Variants in C11orf21 observed in about 807,000 individuals in gnomAD.
The protein encoded by C11orf21 is chromosome 11 open reading frame 21, also known as uncharacterized protein C11orf21.
A neutral mutation model predicts 15.2 loss-of-function variants in C11orf21; 19 were observed. The ratio of observed to expected loss-of-function variants is 1.25; its 90% CI spans 0.87 to 1.84. The LOEUF is 1.84. Ranked by LOEUF, C11orf21 falls within the 40% of genes most tolerant of loss-of-function variation. C11orf21 has a pLI of 0.00. For synonymous variants in C11orf21, 62 were observed against 66.8 expected (o/e 0.93, Z 0.35); for missense variants, 171 against 174.4 (o/e 0.98, Z 0.11).
upstream of C11orf21, chr11:2,302,782 G>A (rs747420712): frequency 7.0e-7 from 1 of 1,435,040 alleles, no homozygotes; most frequent in Non-Finnish European, 9.7e-7. Context: ...GCCCGCTGGG[G>A]CCGAGCTCCC....
upstream of C11orf21, chr11:2,302,775 C>G (rs754444517): frequency 1.5e-6 from 2 of 1,344,172 alleles, no homozygotes; most frequent in African/African-American, 2.9e-5. Context: ...CAACCCTGCC[C>G]GCTGGGGCCG....
chr11:2,296,067 C>G lies in C11orf21; in HGVS notation c.*1883G>C, dbSNP rs1158108786. ...TTCACTGTCCTTCTTTCTCCGGGACCCCCCTGTCTTCCACACAAGCCAATT... is the reference window on the plus strand; with the variant it reads ...TTCACTGTCCTTCTTTCTCCGGGACGCCCCTGTCTTCCACACAAGCCAATT... On this transcript the variant is annotated 3_prime_UTR_variant, in exon 4 of 4. Coordinates refer to ENST00000381153, the MANE Select transcript of C11orf21 (RefSeq NM_001329958.2). The surrounding 1 kb of genome is among the most constrained non-coding windows in gnomAD (Gnocchi z 5.6). 1.3e-5 allele frequency: 2 copies of G among 152,110 alleles called. No individual in the cohort carries two copies. The highest frequency in any genetic ancestry group is 6.5e-5 in the Admixed American group (1 of 15,272). 9.4% of individuals were successfully genotyped at this position (152,110 alleles called of 1,614,324 possible). A position where few individuals can be genotyped will look rare whatever the true frequency, so the allele number is the denominator to read the frequency against.
Position 2,297,598 on chromosome 11 carries a change from C to G in C11orf21, c.*352G>C, listed in dbSNP as rs1222152294. 2.0e-5 allele frequency: 3 copies of G among 152,326 alleles called. No homozygotes were observed. The allele number at this position is 152,326 out of a possible 1,614,324, so 9.4% of individuals were successfully genotyped here. A position where few individuals can be genotyped will look rare whatever the true frequency, so the allele number is the denominator to read the frequency against. On this transcript the variant is annotated 3_prime_UTR_variant, in exon 4 of 4. Transcript: ENST00000381153. ...AGGGCATCTACCCTTTCCGCTGTAG[C>G]CCACTGTCTCTAAACATATTTCACA...
At chr11:2,298,172 T>C (rs934638882) in intron 3 of C11orf21, among the ~76,000 whole-genome samples, 6 of 152,192 alleles carry the variant, frequency 3.9e-5, no homozygotes, top group Non-Finnish European at 8.8e-5. Flanking sequence ...CTCACCATAT[T>C]CCTCATGCTG....
rs1027029064 is a variant in C11orf21 at position 2,300,776 on chromosome 11, C to T, written c.54-163G>A. On this transcript the variant is annotated intron_variant, in intron 1 of 3. Coordinates refer to ENST00000381153, the MANE Select transcript of C11orf21 (RefSeq NM_001329958.2). The stretch of plus-strand genomic sequence containing the variant: ...GGTTGGAGAGAGACAATTCTAGGGG[C>T]GAACCAGACATAGCCAAGAGCAGCT... 5.8e-6 allele frequency: 9 copies of T among 1,550,396 alleles called. No individual in the cohort carries two copies. The African/African-American group carries it at 9.6e-5, about 17-fold the overall frequency.
At chr11:2,302,572 G>A (rs1053274674), upstream of C11orf21, 39 of 550,074 alleles carry the variant, frequency 7.1e-5, no homozygotes, top group African/African-American at 5.6e-4. Context: ...CTCCCACTCC[G>A]TAGACACAAT....
chr11:2,300,946 ACAC>A, intron 1 of C11orf21: 1 of 628,134 alleles, frequency 1.6e-6, no homozygotes, highest in Non-Finnish European at 2.8e-6. Flanking sequence ...AGCTGAAGTG[ACAC>A]TGTGGGTGCC....
chr11:2,296,022 C>G lies in C11orf21; in HGVS notation c.*1928G>C, dbSNP rs1847514583. 6.6e-6 allele frequency: 1 copy of G among 152,162 alleles called. No homozygotes were observed. The highest frequency in any genetic ancestry group is 1.5e-5 in the Non-Finnish European group (1 of 68,040). 9.4% of individuals were successfully genotyped at this position (152,162 alleles called of 1,614,324 possible). On this transcript the variant is annotated 3_prime_UTR_variant, in exon 4 of 4. Coordinates refer to ENST00000381153, the MANE Select transcript of C11orf21 (RefSeq NM_001329958.2). This position sits in a 1 kb window ranked among gnomAD's most constrained non-coding sequence, Gnocchi z 5.6. Reference sequence around the variant, plus strand: ...CTGGAACAGCAGTTGCAATTGGAGTCCTGGTTAAGTTTACCAGGATTCACT... The same window carrying G: ...CTGGAACAGCAGTTGCAATTGGAGTGCTGGTTAAGTTTACCAGGATTCACT...
chr11:2,297,010 GAGCCCCCACCGCA>G lies in C11orf21; in HGVS notation c.*927_*939del, dbSNP rs1311707831. On this transcript the variant is annotated 3_prime_UTR_variant, in exon 4 of 4. Transcript: ENST00000381153. ...ACCCTCAGGCTGGGCAGCATTGGCT[GAGCCCCCACCGCA>G]CCTTCCCTCCCACCCTGGGGTCCTC... is the stretch of plus-strand genomic sequence containing the variant. 1 of 152,312 alleles carries G rather than the reference GAGCCCCCACCGCA, an allele frequency of 6.6e-6. No homozygotes were observed. The highest frequency in any genetic ancestry group is 2.4e-5 in the African/African-American group (1 of 41,452). 9.4% of individuals were successfully genotyped at this position (152,312 alleles called of 1,614,324 possible).
In C11orf21 at chr11:2,297,453, TCTCA is replaced by T. The variant is rs1847553638; in HGVS notation, c.*493_*496del. ...GGGCACCACCCATCTCCCTTCTTTG[TCTCA>T]CTGCCTTGAAACACCCCACATCTAT... On this transcript the variant is annotated 3_prime_UTR_variant, in exon 4 of 4. Transcript: ENST00000381153. 6.6e-6 allele frequency: 1 copy of T among 152,294 alleles called. No individual in the cohort carries two copies. The highest frequency in any genetic ancestry group is 1.5e-5 in the Non-Finnish European group (1 of 68,104). The allele number at this position is 152,294 out of a possible 1,614,324, so 9.4% of individuals were successfully genotyped here. A position where few individuals can be genotyped will look rare whatever the true frequency, so the allele number is the denominator to read the frequency against.
In C11orf21 at chr11:2,299,641, G is replaced by GT. The variant is rs1303257116; in HGVS notation, c.213dup (p.Pro72ThrfsTer6). The GT allele has an allele frequency of 6.4e-7, 1 of 1,551,204 alleles. No homozygotes were observed. The highest frequency in any genetic ancestry group is 2.4e-5 in the East Asian group (1 of 40,904). Reference sequence around the variant, plus strand: ...TCCACAGGTTCATGAGCGGTGGCAGGTGGAACAAGGGCACCATGGGCGGAG... The same window carrying GT: ...TCCACAGGTTCATGAGCGGTGGCAGGTTGGAACAAGGGCACCATGGGCGGAG... On this transcript the variant is annotated frameshift_variant, in exon 3 of 4. Coordinates refer to ENST00000381153, the MANE Select transcript of C11orf21 (RefSeq NM_001329958.2). LOFTEE classifies it high-confidence loss of function.
At chr11:2,303,073 C>A, upstream of C11orf21, 1 of 957,282 alleles carries the variant, frequency 1.0e-6, no homozygotes, top group Non-Finnish European at 1.6e-6. Flanking sequence ...AGGCAGGAGC[C>A]AGAGGTGGTC....
chr11:2,302,289 C>G, upstream of C11orf21: 1 of 1,317,144 alleles, frequency 7.6e-7, no homozygotes, highest in Non-Finnish European at 9.8e-7. Context: ...GGCCTCAGCA[C>G]AGGGATTATC....
At chr11:2,297,971 C>T (rs1221284728) in intron 3 of C11orf21, 50 bp from the exon 4 acceptor site, 1 of 152,188 alleles carries the variant, frequency 6.6e-6, no homozygotes, top group East Asian at 1.9e-4. Context: ...TCCTAAATGT[C>T]TCTTGGTATA....
rs758453035 is a variant in C11orf21 at position 2,296,510 on chromosome 11, T to C, written c.*1440A>G. On this transcript the variant is annotated 3_prime_UTR_variant, in exon 4 of 4. Coordinates refer to ENST00000381153, the MANE Select transcript of C11orf21 (RefSeq NM_001329958.2). This position sits in a 1 kb window ranked among gnomAD's most constrained non-coding sequence, Gnocchi z 5.6. ...AGTCCAGTAATCCCCCTGAGTCTGA[T>C]GATCCCCCTTTCCACTAGCCACCCC... 4.6e-5 allele frequency: 7 copies of C among 152,272 alleles called. No individual in the cohort carries two copies. Among genetic ancestry groups the C allele is most frequent in the Non-Finnish European group, 1.0e-4 (7 of 68,102 alleles). The allele number at this position is 152,272 out of a possible 1,614,324, so 9.4% of individuals were successfully genotyped here.
chr11:2,301,273 G>C (rs1847729968), intron 1 of C11orf21: 2 of 200,426 alleles, frequency 1.0e-5, no homozygotes, highest in Non-Finnish European at 2.1e-5. Flanking sequence ...CCAGCACCGA[G>C]GGGCGAGCAG....
In C11orf21 at chr11:2,300,503, G is replaced by T. The variant is rs771883834; in HGVS notation, c.147+17C>A. On this transcript the variant is annotated intron_variant, in intron 2 of 3. Coordinates refer to ENST00000381153, the MANE Select transcript of C11orf21 (RefSeq NM_001329958.2). ...GCCCCCGCTGGTGGGGCACAGTGAG[G>T]GGGGCTGTGGTCAGACCTGGTCTCT... 1.5e-5 allele frequency: 23 copies of T among 1,509,664 alleles called. No homozygotes were observed. The highest frequency in any genetic ancestry group is 1.8e-4 in the Middle Eastern group (1 of 5,654). 93.5% of individuals were successfully genotyped at this position (1,509,664 alleles called of 1,614,324 possible). A position where few individuals can be genotyped will look rare whatever the true frequency, so the allele number is the denominator to read the frequency against.
chr11:2,299,937 G>T (rs1847641510), intron 2 of C11orf21, among the ~76,000 whole-genome samples: 1 of 151,210 alleles, frequency 6.6e-6, no homozygotes, highest in African/African-American at 2.4e-5. Flanking sequence ...CTTGCAGTGG[G>T]GCCCAGCCCT....
chr11:2,298,901 A>T (rs920816049), intron 3 of C11orf21, among the ~76,000 whole-genome samples: 24 of 152,082 alleles, frequency 1.6e-4, no homozygotes, highest in African/African-American at 5.8e-4. Flanking sequence ...TGGGGGGGGA[A>T]GCAGGGTGCC....
Sources: allele counts gnomAD v4.1 joint callset (sites outside exome capture counted in the v4.1 genomes callset), GRCh38; gene constraint gnomAD v4.1.1; non-coding constraint Gnocchi (gnomAD v3.1); transcripts MANE v1.5; gene names NCBI Gene and HGNC (gene_info 2026-07-23, HGNC 2026-07-21).